Variants in ERBB4 observed in about 807,000 individuals in gnomAD.
The protein encoded by ERBB4 is receptor tyrosine-protein kinase erbB-4.
Under a neutral mutation model 158.0 loss-of-function variants are expected in ERBB4, and 42 were observed. The observed-to-expected ratio is 0.27, with a 90% CI of 0.21 to 0.34. ERBB4 has a LOEUF of 0.34. ERBB4 is among the 10% of genes least tolerant of loss of function. ERBB4 has a pLI of 1.00. For synonymous variants in ERBB4, 583 were observed against 558.7 expected, an observed-to-expected ratio of 1.04 and a Z score of -0.61; for missense variants, 1,333 against 1,624.1, an observed-to-expected ratio of 0.82 and a Z score of 3.08.
chr2:212,338,276 G>A (rs913913772), intron 1 of ERBB4, among the ~76,000 whole-genome samples: 10 of 151,790 alleles, frequency 6.6e-5, no homozygotes, highest in Admixed American at 5.9e-4. Context: ...AGTGTCTGGC[G>A]GTGAAAATGA....
At chr2:212,025,244 C>T (rs1305839493) in intron 2 of ERBB4, among the ~76,000 whole-genome samples, 3 of 151,752 alleles carry the variant, frequency 2.0e-5, no homozygotes, top group Admixed American at 1.3e-4. Context: ...ATTTCTAATA[C>T]CATACCCATT....
At chr2:212,392,062 T>C (rs1020527395) in intron 1 of ERBB4, among the ~76,000 whole-genome samples, 1 of 151,682 alleles carries the variant, frequency 6.6e-6, no homozygotes. Flanking sequence ...TATTGGTTAC[T>C]ATAGACACGT....
chr2:212,435,495 T>A (rs7605269), intron 1 of ERBB4, among the ~76,000 whole-genome samples: 1 of 151,994 alleles, frequency 6.6e-6, no homozygotes, highest in South Asian at 2.1e-4. Flanking sequence ...GAATTCTAAA[T>A]GGTGATATCA....
intron 1 of ERBB4, among the ~76,000 whole-genome samples, chr2:212,150,574 T>C (rs1023696456): frequency 2.0e-5 from 3 of 152,176 alleles, no homozygotes; most frequent in South Asian, 2.1e-4. Context: ...TTTGCCTTAC[T>C]TCCTTCCCCC....
At chr2:211,485,137 T>C (rs2065172402) in intron 20 of ERBB4, among the ~76,000 whole-genome samples, 1 of 152,178 alleles carries the variant, frequency 6.6e-6, no homozygotes, top group South Asian at 2.1e-4. Context: ...TGATGCTCTG[T>C]GGTACTCTAG....
At position 211,725,030 on chromosome 2, in the gene ERBB4, A is replaced by C. The variant is rs373468640; in HGVS notation, c.741+46T>G. ...TTCAGTATGCCTGAATCAAATAGGGAAGGAAAGGAGAGCAGGATAATAAAA... is the reference window on the plus strand; with the variant it reads ...TTCAGTATGCCTGAATCAAATAGGGCAGGAAAGGAGAGCAGGATAATAAAA... On this transcript the variant is annotated intron_variant, in intron 6 of 27. Transcript: ENST00000342788. 2.9e-5 allele frequency: 38 copies of C among 1,307,262 alleles called. No homozygotes were observed. The Admixed American group carries it at 6.4e-4, about 22-fold the overall frequency. 81.0% of individuals were successfully genotyped at this position (1,307,262 alleles called of 1,614,324 possible). A position where few individuals can be genotyped will look rare whatever the true frequency, so the allele number is the denominator to read the frequency against.
At chr2:211,918,622 A>G (rs2079768349) in intron 3 of ERBB4, among the ~76,000 whole-genome samples, 4 of 152,134 alleles carry the variant, frequency 2.6e-5, no homozygotes, top group Non-Finnish European at 5.9e-5. Context: ...TATACTTCCT[A>G]TGTAAACCTA....
chr2:212,268,710 G>T (rs1220316131), intron 1 of ERBB4, among the ~76,000 whole-genome samples: 2 of 151,758 alleles, frequency 1.3e-5, no homozygotes, highest in Non-Finnish European at 2.9e-5. Context: ...ACAAATGATT[G>T]GGGCTGTTTT....
intron 4 of ERBB4, among the ~76,000 whole-genome samples, chr2:211,763,958 A>C (rs1375107825): frequency 1.3e-5 from 2 of 151,828 alleles, no homozygotes; most frequent in African/African-American, 4.8e-5. Flanking sequence ...AAAGAACTCA[A>C]ATTAACAAAT....
chr2:212,283,284 C>A (rs1211217054), intron 1 of ERBB4, among the ~76,000 whole-genome samples: 1 of 151,944 alleles, frequency 6.6e-6, no homozygotes, highest in African/African-American at 2.4e-5. Context: ...AATCCGTATG[C>A]CCATCAGCAT....
At chr2:211,986,165 AC>A (rs1411260993) in intron 2 of ERBB4, among the ~76,000 whole-genome samples, 1 of 152,136 alleles carries the variant, frequency 6.6e-6, no homozygotes, top group Non-Finnish European at 1.5e-5. Context: ...CAGGAGAAAG[AC>A]CTGGAACAGA....
intron 20 of ERBB4, among the ~76,000 whole-genome samples, chr2:211,524,401 A>G (rs377609945): frequency 0.11 from 15,777 of 147,656 alleles, 1,685 homozygotes; most frequent in African/African-American, 0.25. Flanking sequence ...TTGGGTGGTC[A>G]ATGGGACTGG....
At chr2:211,476,279 A>T (rs572464878) in intron 20 of ERBB4, among the ~76,000 whole-genome samples, 8 of 152,220 alleles carry the variant, frequency 5.3e-5, no homozygotes, top group African/African-American at 1.9e-4. Flanking sequence ...GGAGTGATGA[A>T]TACAAAAGCT....
At chr2:212,531,755 T>A (rs1560571092) in intron 1 of ERBB4, among the ~76,000 whole-genome samples, 1 of 152,172 alleles carries the variant, frequency 6.6e-6, no homozygotes, top group Non-Finnish European at 1.5e-5. Flanking sequence ...AAAGAAACTC[T>A]TAAAAGTGCT....
At chr2:211,769,382 T>C (rs1264802097) in intron 4 of ERBB4, among the ~76,000 whole-genome samples, 1 of 152,208 alleles carries the variant, frequency 6.6e-6, no homozygotes, top group African/African-American at 2.4e-5. Flanking sequence ...TCTCTGCCTG[T>C]TGTCCATTTC....
At chr2:212,306,113 TATA>T (rs1291013236) in intron 1 of ERBB4, among the ~76,000 whole-genome samples, 3 of 151,472 alleles carry the variant, frequency 2.0e-5, no homozygotes, top group Non-Finnish European at 3.0e-5. Flanking sequence ...GCTTTAAAAA[TATA>T]ATAAGATTCC....
intron 1 of ERBB4, among the ~76,000 whole-genome samples, chr2:212,202,861 C>T (rs1574424531): frequency 6.6e-6 from 1 of 151,926 alleles, no homozygotes; most frequent in African/African-American, 2.4e-5. Flanking sequence ...TCAATAAAAA[C>T]TATTAGTTTT....
At chr2:211,943,844 G>A (rs905946660) in intron 3 of ERBB4, among the ~76,000 whole-genome samples, 2 of 151,882 alleles carry the variant, frequency 1.3e-5, no homozygotes, top group South Asian at 4.1e-4. Flanking sequence ...AACTTTTGGT[G>A]AACATTAAGC....
intron 1 of ERBB4, among the ~76,000 whole-genome samples, chr2:212,533,630 C>A (rs17262115): frequency 0.19 from 29,423 of 152,084 alleles, 3,061 homozygotes; most frequent in Non-Finnish European, 0.23. Context: ...AAACTGAAAA[C>A]TCCAGTCAAT....
Sources: allele counts gnomAD v4.1 joint callset (sites outside exome capture counted in the v4.1 genomes callset), GRCh38; gene constraint gnomAD v4.1.1; transcripts MANE v1.5; gene names NCBI Gene and HGNC (gene_info 2026-07-23, HGNC 2026-07-21).